GNAQ: variants seen among roughly 807,000 people sequenced by gnomAD.
GNAQ encodes G protein subunit alpha q, also known as guanine nucleotide-binding protein G(q) subunit alpha.
A neutral mutation model predicts 43.9 loss-of-function variants in GNAQ; 8 were observed. The observed-to-expected ratio is 0.18, with a 90% CI of 0.11 to 0.33. The LOEUF (loss-of-function observed/expected upper bound fraction) is 0.33. Among genes scored for constraint, GNAQ ranks in the 10% least tolerant of loss-of-function variants. GNAQ has a pLI of 1.00. For missense variants in GNAQ, 158 were observed against 450.8 expected (o/e 0.35, Z 5.88); for synonymous variants, 155 against 170.7 (o/e 0.91, Z 0.71).
intron 5 of GNAQ, among the ~76,000 whole-genome samples, chr9:77,761,829 G>A (rs1211249497): frequency 7.1e-5 from 4 of 56,298 alleles, no homozygotes; most frequent in Admixed American, 1.7e-4. Flanking sequence ...CCGGCCAGCC[G>A]CCCCGTCCGG....
intron 6 of GNAQ, among the ~76,000 whole-genome samples, chr9:77,725,072 G>A (rs1255920649): frequency 6.6e-6 from 1 of 151,824 alleles, no homozygotes; most frequent in Admixed American, 6.6e-5. Flanking sequence ...GGGAAGGAAG[G>A]GACTATACCT....
At chr9:77,804,930 A>G (rs921560603) in intron 3 of GNAQ, among the ~76,000 whole-genome samples, 2 of 152,122 alleles carry the variant, frequency 1.3e-5, no homozygotes, top group African/African-American at 4.8e-5. Context: ...GTCTTTGGGG[A>G]GTTGAAAGCT....
At chr9:78,023,852 G>A (rs949932191) in intron 1 of GNAQ, among the ~76,000 whole-genome samples, 8 of 148,612 alleles carry the variant, frequency 5.4e-5, no homozygotes, top group African/African-American at 1.3e-4. Context: ...GTTCGCTTCC[G>A]GTAACAGAGC....
chr9:77,742,630 A>C (rs960940297), intron 5 of GNAQ, among the ~76,000 whole-genome samples: 1 of 152,296 alleles, frequency 6.6e-6, no homozygotes, highest in South Asian at 2.1e-4. Context: ...GTACTGTGTT[A>C]GGAAGTTAAA....
rs188868834 is a variant in GNAQ at position 77,970,879 on chromosome 9, T to C, written c.137-48534A>G. The stretch of plus-strand genomic sequence containing the variant: ...TGGTTTTTTGAAAAGATCAACAAAA[T>C]AGACCCCTAATAAAGAAGAAAAGAG... On this transcript the variant is annotated intron_variant, in intron 1 of 6. Transcript: ENST00000286548. Among the ~76,000 whole-genome samples, 186 of 151,410 alleles carry C rather than the reference T, an allele frequency of 1.2e-3. 2 individuals are homozygous for C. Among genetic ancestry groups the C allele is most frequent in the African/African-American group, 4.2e-3 (173 of 41,344 alleles).
chr9:78,014,547 T>C (rs747499774), intron 1 of GNAQ, among the ~76,000 whole-genome samples: 5 of 151,862 alleles, frequency 3.3e-5, no homozygotes, highest in Admixed American at 6.6e-5. Context: ...CAGAGGTTGC[T>C]GTGAGCCGAG....
At chr9:77,788,382 G>C (rs12002745) in intron 5 of GNAQ, among the ~76,000 whole-genome samples, 1,879 of 152,146 alleles carry the variant, frequency 0.012, 41 homozygotes, top group African/African-American at 0.042. Context: ...CAACAACAAT[G>C]CTAAGTGAAA....
rs922709913 is a variant in GNAQ at position 77,719,717 on chromosome 9, G to A, written c.*1606C>T. 8.6e-6 allele frequency: 2 copies of A among 232,668 alleles called. No homozygotes were observed. Among genetic ancestry groups the A allele is most frequent in the African/African-American group, 4.4e-5 (2 of 45,288 alleles). The allele number at this position is 232,668 out of a possible 1,614,324, so 14.4% of individuals were successfully genotyped here. A position where few individuals can be genotyped will look rare whatever the true frequency, so the allele number is the denominator to read the frequency against. ...TTTCAACTCAAGCTGCTTGACAGAA[G>A]CTTGTCAATACATGTGCTGTATTTT... On this transcript the variant is annotated 3_prime_UTR_variant, in exon 7 of 7. Coordinates refer to ENST00000286548, the MANE Select transcript of GNAQ (RefSeq NM_002072.5).
At chr9:77,772,984 G>C (rs1826250092) in intron 5 of GNAQ, among the ~76,000 whole-genome samples, 1 of 152,220 alleles carries the variant, frequency 6.6e-6, no homozygotes, top group South Asian at 2.1e-4. Context: ...TTTGTGTTGG[G>C]CTGCATTCAA....
intron 1 of GNAQ, among the ~76,000 whole-genome samples, chr9:77,986,261 C>T (rs956222615): frequency 1.3e-5 from 2 of 152,180 alleles, no homozygotes; most frequent in Non-Finnish European, 2.9e-5. Context: ...ATTAGCCTAA[C>T]AGAAACAGCC....
intron 2 of GNAQ, among the ~76,000 whole-genome samples, chr9:77,907,414 T>C (rs1361683507): frequency 2.0e-5 from 3 of 152,166 alleles, no homozygotes; most frequent in Admixed American, 1.3e-4. Flanking sequence ...AAAGAATATA[T>C]GAGCTTTCCT....
At chr9:77,969,168 G>A (rs1322660020) in intron 1 of GNAQ, among the ~76,000 whole-genome samples, 1 of 152,212 alleles carries the variant, frequency 6.6e-6, no homozygotes, top group African/African-American at 2.4e-5. Context: ...ATGCAGCCAA[G>A]CAGCCCATTC....
chr9:77,916,670 C>T (rs532967184), intron 2 of GNAQ, among the ~76,000 whole-genome samples: 5 of 152,190 alleles, frequency 3.3e-5, no homozygotes, highest in East Asian at 1.9e-4. Context: ...GGCCTCAAAA[C>T]GCCTGGCTAG....
At chr9:77,835,138 T>C (rs1200747440) in intron 2 of GNAQ, among the ~76,000 whole-genome samples, 4 of 152,008 alleles carry the variant, frequency 2.6e-5, no homozygotes, top group Non-Finnish European at 2.9e-5. Context: ...TGAGGTGGGA[T>C]AGGGCAAGAC....
intron 1 of GNAQ, among the ~76,000 whole-genome samples, chr9:77,997,156 C>T (rs1457281962): frequency 6.6e-6 from 1 of 152,208 alleles, no homozygotes; most frequent in African/African-American, 2.4e-5. Context: ...ATGCCCATAG[C>T]TTTAGCCATC....
intron 2 of GNAQ, among the ~76,000 whole-genome samples, chr9:77,854,354 C>G (rs1827718675): frequency 6.6e-6 from 1 of 152,104 alleles, no homozygotes; most frequent in Non-Finnish European, 1.5e-5. Flanking sequence ...TAGGTCACAT[C>G]AATTTCAAAA....
intron 5 of GNAQ, among the ~76,000 whole-genome samples, chr9:77,773,819 G>A (rs1554714969): frequency 6.6e-6 from 1 of 152,142 alleles, no homozygotes; most frequent in Non-Finnish European, 1.5e-5. Flanking sequence ...ATATTATACT[G>A]CCCCTGGATC....
At chr9:77,881,114 C>A (rs944235129) in intron 2 of GNAQ, among the ~76,000 whole-genome samples, 5 of 152,120 alleles carry the variant, frequency 3.3e-5, no homozygotes, top group Non-Finnish European at 5.9e-5. Context: ...TGTCCCAAGC[C>A]CCTGACACTA....
intron 1 of GNAQ, among the ~76,000 whole-genome samples, 195 bp downstream of exon 1, chr9:78,030,905 G>A (rs1215658352): frequency 6.6e-6 from 1 of 151,604 alleles, no homozygotes; most frequent in Non-Finnish European, 1.5e-5. Flanking sequence ...GTGTGTGTGT[G>A]TGTGTGTGTG....
Sources: gnomAD v4.1 joint callset for allele counts (sites outside exome capture counted in the v4.1 genomes callset) on GRCh38, gnomAD v4.1.1 for gene constraint, MANE v1.5 for transcripts, NCBI Gene and HGNC (gene_info 2026-07-23, HGNC 2026-07-21) for gene names.